Variants in OR8G5 observed in about 807,000 individuals in gnomAD.
The protein encoded by OR8G5 is olfactory receptor family 8 subfamily G member 5, also known as olfactory receptor 8G5.
For synonymous variants in OR8G5, 147 were observed against 147.7 expected (o/e 1.00, Z 0.03); for missense variants, 347 against 371.9 (o/e 0.93, Z 0.55).
At position 124,265,154 on chromosome 11, in the gene OR8G5, A is replaced by G. The variant is rs367786235; in HGVS notation, c.223A>G (p.Thr75Ala). The change falls in exon 2 of 2, where the codon ACT (threonine) becomes GCT (alanine). Residue 75 changes from threonine to alanine, a missense_variant. Thr to Ala is a moderately conservative substitution (Grantham distance 58). Transcript: ENST00000641992. ...GTCCTTCATTGACTTCTGCCATTCC[A>G]CTGTCATTACCCCTAAGATGCTGGT... Reference protein sequence around the residue: ...SLSFIDFCHSTVITPKMLVNF... With the variant: ...SLSFIDFCHSAVITPKMLVNF... 17 of 1,613,910 alleles carry G rather than the reference A, an allele frequency of 1.1e-5. No homozygotes were observed. Among genetic ancestry groups the G allele is most frequent in the Admixed American group, 8.3e-5 (5 of 59,986 alleles).
chr11:124,261,467 CGAA>C (rs1861970764), intron 1 of OR8G5, among the ~76,000 whole-genome samples: 1 of 151,738 alleles, frequency 6.6e-6, no homozygotes, highest in Middle Eastern at 3.4e-3. Flanking sequence ...TAACAAGAGA[CGAA>C]GGAAGATTTA....
At chr11:124,258,035 T>C (rs1311766989) in intron 1 of OR8G5, among the ~76,000 whole-genome samples, 1 of 152,134 alleles carries the variant, frequency 6.6e-6, no homozygotes, top group Non-Finnish European at 1.5e-5. Flanking sequence ...TTTCTTCTTC[T>C]CTGAGACTTT....
intron 1 of OR8G5, among the ~76,000 whole-genome samples, chr11:124,263,071 T>C (rs1170852838): frequency 2.0e-5 from 3 of 152,146 alleles, no homozygotes; most frequent in African/African-American, 7.2e-5. Context: ...CCTTGATTAC[T>C]AAAAACATTG....
intron 1 of OR8G5, among the ~76,000 whole-genome samples, chr11:124,262,303 A>C (rs1861979075): frequency 6.6e-6 from 1 of 151,912 alleles, no homozygotes; most frequent in South Asian, 2.1e-4. Flanking sequence ...ATGAAGAAGC[A>C]AAAAATTTTG....
At chr11:124,264,692 A>G in intron 1 of OR8G5, 3 of 555,924 alleles carry the variant, frequency 5.4e-6, no homozygotes, top group Non-Finnish European at 9.4e-6. Flanking sequence ...AAAATACAAA[A>G]TAGACACTCA....
At chr11:124,259,897 GT>G (rs1861952195) in intron 1 of OR8G5, among the ~76,000 whole-genome samples, 1 of 151,976 alleles carries the variant, frequency 6.6e-6, no homozygotes, top group Admixed American at 6.6e-5. Flanking sequence ...AAATATTAGT[GT>G]TAATATAAAA....
chr11:124,261,366 CAG>C (rs1207312375), intron 1 of OR8G5, among the ~76,000 whole-genome samples: 2 of 151,746 alleles, frequency 1.3e-5, no homozygotes, highest in Admixed American at 6.6e-5. Context: ...TATAAGGAAA[CAG>C]AAAATCTAAT....
Position 124,265,422 on chromosome 11 carries a change from T to C in OR8G5, c.491T>C (p.Phe164Ser). Reference sequence around the variant, plus strand: ...GCGTCAGCTCATATAGGCTGTATGTTTAGGGTTCAATTCTGCAAATTTGAT... The same window carrying C: ...GCGTCAGCTCATATAGGCTGTATGTCTAGGGTTCAATTCTGCAAATTTGAT... ...ICASAHIGCM[F>S]RVQFCKFDVI... Residue 164 changes from phenylalanine to serine, a missense_variant, in exon 2 of 2, where the codon TTT becomes TCT. Phe to Ser is a radical substitution (Grantham distance 155, BLOSUM62 -2). Transcript: ENST00000641992. The C allele has an allele frequency of 1.2e-6, 2 of 1,614,036 alleles. No homozygotes were observed. The highest frequency in any genetic ancestry group is 1.7e-6 in the Non-Finnish European group (2 of 1,179,886).
At chr11:124,258,930 T>C (rs1293410258) in intron 1 of OR8G5, among the ~76,000 whole-genome samples, 1 of 152,244 alleles carries the variant, frequency 6.6e-6, no homozygotes, top group Non-Finnish European at 1.5e-5. Flanking sequence ...GCTATGAATT[T>C]TCAATTGCTT....
rs564237436 is a variant in OR8G5 at position 124,265,773 on chromosome 11, T to C, written c.842T>C (p.Val281Ala). The part of the protein sequence containing the change: ...GKVSSVFYTI[V>A]VPMLNPLIYS... ...GTGTCCTCTGTGTTTTATACTATTGTTGTGCCCATGCTGAACCCCCTGATC... is the reference window on the plus strand; with the variant it reads ...GTGTCCTCTGTGTTTTATACTATTGCTGTGCCCATGCTGAACCCCCTGATC... The change falls in exon 2 of 2, where the codon GTT (valine) becomes GCT (alanine). Residue 281 changes from valine to alanine, a missense_variant. Transcript: ENST00000641992. 3.5e-4 allele frequency: 569 copies of C among 1,614,170 alleles called. 9 individuals are homozygous for C. In the South Asian group the frequency reaches 6.0e-3, roughly 17 times the overall value.
intron 1 of OR8G5, among the ~76,000 whole-genome samples, chr11:124,259,833 C>T (rs1861950545): frequency 6.6e-6 from 1 of 151,988 alleles, no homozygotes; most frequent in South Asian, 2.1e-4. Flanking sequence ...GTGCCACCTG[C>T]CTGTATAAAT....
chr11:124,260,665 ATCTCT>A (rs138010649), intron 1 of OR8G5, among the ~76,000 whole-genome samples: 17,647 of 151,278 alleles, frequency 0.12, 1,152 homozygotes, highest in Middle Eastern at 0.16. Context: ...GATATGGTAA[ATCTCT>A]TCTCTTATTA....
intron 1 of OR8G5, among the ~76,000 whole-genome samples, chr11:124,261,624 A>G (rs1050613031): frequency 2.0e-5 from 3 of 151,970 alleles, no homozygotes. Flanking sequence ...CCGTTAGAAC[A>G]TCAGACAAAA....
rs755505242 is a variant in OR8G5, at chr11:124,265,386, G to A, written c.455G>A (p.Gly152Asp). The change falls in exon 2 of 2, where the codon GGC (glycine) becomes GAC (aspartate). Residue 152 changes from glycine (G) to aspartate (D), a missense_variant. Gly to Asp is a moderately conservative substitution (Grantham distance 94, BLOSUM62 -1). Coordinates refer to ENST00000641992, the MANE Select transcript of OR8G5 (RefSeq NM_001005198.2). ...CTGATTTTAGTGGTGTATGTAATAG[G>A]CCTGATTTGTGCGTCAGCTCATATA... ...FSLILVVYVI[G>D]LICASAHIGC... 9.3e-6 allele frequency: 15 copies of A among 1,613,966 alleles called. No homozygotes were observed. Among genetic ancestry groups the A allele is most frequent in the Non-Finnish European group, 1.0e-5 (12 of 1,179,868 alleles).
In OR8G5 at chr11:124,265,510, C is replaced by T. The variant is rs768012066; in HGVS notation, c.579C>T (p.Tyr193=). The T allele has an allele frequency of 2.5e-6, 4 of 1,613,916 alleles. No homozygotes were observed. The highest frequency in any genetic ancestry group is 1.1e-5 in the South Asian group (1 of 91,082). Reference sequence around the variant, plus strand: ...TGAAGCTCTCCTGTTCTAGTACTTACATTAATGAGTTACTGATTTTAATCT... The same window carrying T: ...TGAAGCTCTCCTGTTCTAGTACTTATATTAATGAGTTACTGATTTTAATCT... ...SILKLSCSST[Y]INELLILIFS... The change falls in exon 2 of 2, where the codon TAC becomes TAT. Residue 193 remains tyrosine, a synonymous_variant. Transcript: ENST00000641992.
Position 124,265,708 on chromosome 11 carries a change from C to T in OR8G5, c.777C>T (p.Tyr259=). ...SVFFGSAAFM[Y]LQPSSVSSMD... ...TCTTTGGGTCTGCAGCATTCATGTA[C>T]CTGCAGCCATCATCTGTCAGCTCCA... Residue 259 remains tyrosine (Y), a synonymous_variant, in exon 2 of 2, where the codon TAC becomes TAT. Coordinates refer to ENST00000641992, the MANE Select transcript of OR8G5 (RefSeq NM_001005198.2). 1.2e-6 allele frequency: 2 copies of T among 1,614,034 alleles called. No homozygotes were observed. The highest frequency in any genetic ancestry group is 1.7e-6 in the Non-Finnish European group (2 of 1,179,920).
intron 1 of OR8G5, among the ~76,000 whole-genome samples, chr11:124,260,490 A>G (rs1310604263): frequency 4.0e-5 from 6 of 151,872 alleles, no homozygotes; most frequent in African/African-American, 1.4e-4. Context: ...AAACCTAAAC[A>G]TGTACCCTGA....
rs781711405 is a variant in OR8G5, at chr11:124,265,851, A to G, written c.920A>G (p.Lys307Arg). 3 of 1,611,686 alleles carry G rather than the reference A, an allele frequency of 1.9e-6. No homozygotes were observed. The highest frequency in any genetic ancestry group is 2.2e-5 in the East Asian group (1 of 44,798). Residue 307 changes from lysine (K) to arginine (R), a missense_variant, in exon 2 of 2, where the codon AAA becomes AGA. Transcript: ENST00000641992. ...VHVALKKTLG[K>R]RTFL ...GTTGCCCTGAAGAAAACGCTAGGGA[A>G]AAGAACATTCTTATGAACAGAAGTA... is the stretch of plus-strand genomic sequence containing the variant.
Position 124,265,987 on chromosome 11 carries a change from C to T in OR8G5, c.*120C>T, listed in dbSNP as rs561856095. On this transcript the variant is annotated 3_prime_UTR_variant, in exon 2 of 2. Coordinates refer to ENST00000641992, the MANE Select transcript of OR8G5 (RefSeq NM_001005198.2). The stretch of plus-strand genomic sequence containing the variant: ...TTCTTTCTAATTTGGGGGGATTTTA[C>T]TGACGTTATGTCTTATGCACATGGT... The T allele has an allele frequency of 3.6e-5, 46 of 1,265,142 alleles. No individual in the cohort carries two copies. In the African/African-American group the frequency reaches 5.7e-4, roughly 16 times the overall value. The allele number at this position is 1,265,142 out of a possible 1,614,324, so 78.4% of individuals were successfully genotyped here.
Sources: gnomAD v4.1 joint callset for allele counts (sites outside exome capture counted in the v4.1 genomes callset) on GRCh38, gnomAD v4.1.1 for gene constraint, MANE v1.5 for transcripts, NCBI Gene and HGNC (gene_info 2026-07-23, HGNC 2026-07-21) for gene names.